Variants in KDM2A observed in about 807,000 individuals in gnomAD.
The protein encoded by KDM2A is lysine-specific demethylase 2A.
Under a neutral mutation model 137.3 loss-of-function variants are expected in KDM2A, and 3 were observed. The ratio of observed to expected loss-of-function variants is 0.02; its 90% CI spans 0.01 to 0.06. The LOEUF (loss-of-function observed/expected upper bound fraction) is 0.06, where lower values mean the gene tolerates loss of function less well. KDM2A is among the 10% of genes least tolerant of loss of function. The pLI is 1.00. For synonymous variants in KDM2A, 512 were observed against 541.5 expected (o/e 0.95, Z 0.76); for missense variants, 738 against 1,510.6 (o/e 0.49, Z 8.48).
intron 10 of KDM2A, among the ~76,000 whole-genome samples, chr11:67,221,375 G>A (rs922127657): frequency 4.6e-5 from 7 of 152,208 alleles, no homozygotes; most frequent in South Asian, 2.1e-4. Context: ...AAACTTTTTG[G>A]TAGAATTAAA....
intron 2 of KDM2A, among the ~76,000 whole-genome samples, chr11:67,178,707 G>T (rs1237605371): frequency 6.6e-6 from 1 of 151,962 alleles, no homozygotes; most frequent in African/African-American, 2.4e-5. Flanking sequence ...TCTATGTCAT[G>T]GCACATAGCG....
intron 10 of KDM2A, among the ~76,000 whole-genome samples, chr11:67,222,162 G>A (rs1467398827): frequency 8.7e-6 from 1 of 114,422 alleles, no homozygotes; most frequent in African/African-American, 3.4e-5. Context: ...TGGAGGGAAG[G>A]TCAGCAGATA....
chr11:67,157,441 G>A (rs545459363), intron 2 of KDM2A, among the ~76,000 whole-genome samples: 1 of 151,476 alleles, frequency 6.6e-6, no homozygotes, highest in Admixed American at 6.6e-5. Context: ...AAAATTCCTG[G>A]TTTCTCTTAT....
chr11:67,181,251 C>A, intron 3 of KDM2A, 69 bp from the exon 4 acceptor site: 2 of 966,982 alleles, frequency 2.1e-6, no homozygotes, highest in Non-Finnish European at 1.6e-6. Flanking sequence ...TACTTAGGAT[C>A]CTTTTTATGG....
intron 12 of KDM2A, among the ~76,000 whole-genome samples, chr11:67,232,201 A>G (rs1359001135): frequency 6.6e-6 from 1 of 152,232 alleles, no homozygotes; most frequent in Non-Finnish European, 1.5e-5. Context: ...AGTCTTAAAC[A>G]TAGGTTTCAG....
At chr11:67,145,072 A>G (rs903981717) in intron 2 of KDM2A, among the ~76,000 whole-genome samples, 3 of 149,504 alleles carry the variant, frequency 2.0e-5, no homozygotes, top group Admixed American at 1.3e-4. Flanking sequence ...GGGTTTCACC[A>G]TGTTGGCCAG....
rs138467596 is a variant in KDM2A at position 67,232,801 on chromosome 11, G to A, written c.1479+841G>A. Among the ~76,000 whole-genome samples the A allele has an allele frequency of 1.1e-3, 169 of 151,778 alleles. 2 individuals carry two copies. The East Asian group carries it at 0.029, about 26-fold the overall frequency. ...CGGCTCACTGCAACCTCCACCTCCCGGGTTCAAGCAGTTCTCGTGCCTCAG... is the reference window on the plus strand; with the variant it reads ...CGGCTCACTGCAACCTCCACCTCCCAGGTTCAAGCAGTTCTCGTGCCTCAG... On this transcript the variant is annotated intron_variant, in intron 12 of 20. Coordinates refer to ENST00000529006, the MANE Select transcript of KDM2A (RefSeq NM_012308.3).
chr11:67,253,429 C>T (rs370962111), intron 18 of KDM2A, 24 bp from the exon 19 acceptor site: 91 of 1,605,812 alleles, frequency 5.7e-5, no homozygotes, highest in Non-Finnish European at 7.7e-5. Flanking sequence ...TGTATTATTA[C>T]ATGTCTCATT....
chr11:67,181,769 G>A (rs1857095912), intron 4 of KDM2A, 77 bp from the exon 5 acceptor site: 1 of 1,202,398 alleles, frequency 8.3e-7, no homozygotes, highest in East Asian at 2.3e-5. Flanking sequence ...GGAGTACTCA[G>A]TACTTTAAGA....
At chr11:67,174,248 A>G (rs1856933359) in intron 2 of KDM2A, among the ~76,000 whole-genome samples, 1 of 151,994 alleles carries the variant, frequency 6.6e-6, no homozygotes, top group Non-Finnish European at 1.5e-5. Context: ...ACAGAGTAAG[A>G]CTCTGTCTCA....
At chr11:67,194,932 C>T (rs1050373558) in intron 5 of KDM2A, among the ~76,000 whole-genome samples, 4 of 152,154 alleles carry the variant, frequency 2.6e-5, no homozygotes, top group Admixed American at 6.6e-5. Context: ...CTGCAAGGCA[C>T]GATTTTTGGA....
intron 5 of KDM2A, among the ~76,000 whole-genome samples, chr11:67,200,340 C>T (rs1274460624): frequency 4.6e-5 from 7 of 152,022 alleles, no homozygotes; most frequent in Admixed American, 2.0e-4. Flanking sequence ...CTCAGCCTCC[C>T]GAGTAGCTGG....
chr11:67,197,514 G>A (rs954123634), intron 5 of KDM2A, among the ~76,000 whole-genome samples: 4 of 152,106 alleles, frequency 2.6e-5, no homozygotes, highest in Middle Eastern at 3.2e-3. Flanking sequence ...TTAAAGTCTG[G>A]GTGTTTTTTT....
intron 6 of KDM2A, among the ~76,000 whole-genome samples, chr11:67,208,619 A>G (rs996069566): frequency 6.6e-6 from 1 of 151,876 alleles, no homozygotes; most frequent in African/African-American, 2.4e-5. Flanking sequence ...AAAAATACAA[A>G]AATTAGCCAA....
intron 8 of KDM2A, 138 bp downstream of exon 8, chr11:67,216,087 T>C (rs1434944834): frequency 1.4e-6 from 1 of 731,646 alleles, no homozygotes; most frequent in East Asian, 2.5e-5. Context: ...GAATTATAGA[T>C]TAAGTTCACC....
chr11:67,127,082 C>CA (rs1313931489), intron 2 of KDM2A, among the ~76,000 whole-genome samples: 1 of 152,074 alleles, frequency 6.6e-6, no homozygotes, highest in Non-Finnish European at 1.5e-5. Flanking sequence ...TCTGAGGTAA[C>CA]AATGATTTAT....
At chr11:67,138,360 A>G (rs1229405424) in intron 2 of KDM2A, among the ~76,000 whole-genome samples, 1 of 152,232 alleles carries the variant, frequency 6.6e-6, no homozygotes, top group African/African-American at 2.4e-5. Flanking sequence ...TAGATTGCTA[A>G]TCAGGTTGCA....
intron 5 of KDM2A, among the ~76,000 whole-genome samples, chr11:67,192,433 CTTTTT>C (rs921321640): frequency 7.1e-5 from 5 of 70,554 alleles, no homozygotes. Flanking sequence ...GTTTCCATTT[CTTTTT>C]TTTTTTTTTT....
intron 5 of KDM2A, among the ~76,000 whole-genome samples, chr11:67,205,466 T>C (rs1857772878): frequency 1.3e-5 from 2 of 152,100 alleles, no homozygotes; most frequent in Non-Finnish European, 2.9e-5. Context: ...TGTTTGTTCG[T>C]CTTACAAGGA....
Sources: allele counts gnomAD v4.1 joint callset (sites outside exome capture counted in the v4.1 genomes callset), GRCh38; gene constraint gnomAD v4.1.1; transcripts MANE v1.5; gene names NCBI Gene and HGNC (gene_info 2026-07-23, HGNC 2026-07-21).